ADGRV1: variants seen among roughly 807,000 people sequenced by gnomAD.
The protein encoded by ADGRV1 is adhesion G protein-coupled receptor V1.
ADGRV1 carries 359 observed loss-of-function variants against 596.2 expected under a neutral mutation model. That is an observed-to-expected ratio of 0.60 (90% CI 0.55 to 0.66). The LOEUF (loss-of-function observed/expected upper bound fraction) is 0.66. Among genes scored for constraint, ADGRV1 ranks in the 30% least tolerant of loss-of-function variants. ADGRV1 has a pLI of 0.00. For synonymous variants in ADGRV1, 2,681 were observed against 2,679.2 expected (o/e 1.00, Z -0.02); for missense variants, 7,274 against 7,575.6 (o/e 0.96, Z 1.48).
chr5:91,112,000 A>C (rs1391454775), intron 87 of ADGRV1, among the ~76,000 whole-genome samples: 1 of 152,234 alleles, frequency 6.6e-6, no homozygotes, highest in Non-Finnish European at 1.5e-5. Context: ...CGTGTTCAGT[A>C]GCATCTGGGC....
intron 85 of ADGRV1, among the ~76,000 whole-genome samples, chr5:91,060,213 T>C (rs1490619070): frequency 6.6e-6 from 1 of 151,920 alleles, no homozygotes. Flanking sequence ...GCAGCAGTTT[T>C]GGTTCTTTTG....
intron 21 of ADGRV1, among the ~76,000 whole-genome samples, chr5:90,665,810 T>G (rs62375100): frequency 0.35 from 51,961 of 150,158 alleles, 9,253 homozygotes; most frequent in Admixed American, 0.49. Flanking sequence ...TCTGGTATGT[T>G]GTGTCTTCGT....
Position 90,637,704 on chromosome 5 carries a change from CT to C in ADGRV1, c.2017-20del. The C allele has an allele frequency of 6.7e-7, 1 of 1,500,684 alleles. No homozygotes were observed. The highest frequency in any genetic ancestry group is 2.3e-5 in the East Asian group (1 of 43,854). The allele number at this position is 1,500,684 out of a possible 1,614,324, so 93.0% of individuals were successfully genotyped here. A position where few individuals can be genotyped will look rare whatever the true frequency, so the allele number is the denominator to read the frequency against. ...AACATATATTTTAGAAGAAATTGTT[CT>C]GTTCTTTTCTTTTTATAAGGTATAC... On this transcript the variant is annotated intron_variant, in intron 10 of 89. Transcript: ENST00000405460.
chr5:90,810,125 G>A (rs1288769409), intron 73 of ADGRV1, 108 bp from the exon 74 acceptor site: 3 of 853,820 alleles, frequency 3.5e-6, no homozygotes, highest in Admixed American at 6.1e-5. Context: ...TCATTGTTAA[G>A]TTGCTGCCCT....
chr5:90,746,137 A>G (rs1754601093), intron 52 of ADGRV1, among the ~76,000 whole-genome samples: 1 of 151,264 alleles, frequency 6.6e-6, no homozygotes, highest in South Asian at 2.1e-4. Context: ...ATAGATGCTA[A>G]ATGCAATATA....
chr5:90,666,041 G>A (rs1047939232), intron 21 of ADGRV1, among the ~76,000 whole-genome samples: 13 of 151,764 alleles, frequency 8.6e-5, no homozygotes, highest in Admixed American at 7.9e-4. Flanking sequence ...CAAGTACGTG[G>A]TCAATTTTGG....
intron 22 of ADGRV1, 30 bp from the exon 23 acceptor site, chr5:90,674,024 C>A: frequency 1.3e-6 from 2 of 1,530,346 alleles, no homozygotes; most frequent in Non-Finnish European, 1.8e-6. Context: ...TGCCTCATTG[C>A]TTAGTGCCTC....
chr5:90,638,080 CT>C (rs1347983370), intron 11 of ADGRV1, 132 bp downstream of exon 11: 4 of 603,366 alleles, frequency 6.6e-6, no homozygotes, highest in Non-Finnish European at 8.4e-6. Flanking sequence ...TTATACTGGC[CT>C]TCAGACTTTT....
intron 52 of ADGRV1, among the ~76,000 whole-genome samples, chr5:90,749,933 G>A (rs1312699748): frequency 6.6e-6 from 1 of 152,178 alleles, no homozygotes; most frequent in African/African-American, 2.4e-5. Flanking sequence ...TAAAGGCCAT[G>A]AGCTAAGGAT....
At chr5:91,105,928 C>T (rs1251024338) in intron 87 of ADGRV1, among the ~76,000 whole-genome samples, 1 of 150,574 alleles carries the variant, frequency 6.6e-6, no homozygotes, top group Non-Finnish European at 1.5e-5. Flanking sequence ...TAAATAGATT[C>T]TTATTATATT....
rs772839567 is a variant in ADGRV1 at position 90,614,840 on chromosome 5, C to A, written c.28C>A (p.Pro10Thr). 6.2e-7 allele frequency: 1 copy of A among 1,605,442 alleles called. No homozygotes were observed. Among genetic ancestry groups the A allele is most frequent in the Non-Finnish European group, 8.5e-7 (1 of 1,173,708 alleles). ...TTTTTTTCTTTTTGTTTTAGGGATGCCCTCTGCATCTTTATTAGTAAATCT... is the reference window on the plus strand; with the variant it reads ...TTTTTTTCTTTTTGTTTTAGGGATGACCTCTGCATCTTTATTAGTAAATCT... MSVFLGPGM[P>T]SASLLVNLLS... The change falls in exon 2 of 90, where the codon CCC (proline) becomes ACC (threonine). Residue 10 changes from proline (P) to threonine (T), a missense_variant. Around this residue, in one of 5 missense-constraint regions of ADGRV1, gnomAD observed 1,715 missense variants for 1,708.8 expected, o/e 1.00. Transcript: ENST00000405460.
chr5:90,878,721 A>G (rs1250411756), intron 83 of ADGRV1, among the ~76,000 whole-genome samples: 1 of 152,256 alleles, frequency 6.6e-6, no homozygotes, highest in Non-Finnish European at 1.5e-5. Flanking sequence ...TAAGCAGATT[A>G]TAATCTCAGG....
chr5:91,102,172 C>G, intron 86 of ADGRV1, 47 bp from the exon 87 acceptor site: 2 of 1,556,378 alleles, frequency 1.3e-6, no homozygotes, highest in Non-Finnish European at 1.7e-6. Flanking sequence ...ATACATGTGA[C>G]TGTGCAGTAT....
Position 90,893,372 on chromosome 5 carries a change from G to A in ADGRV1, c.17856+29515G>A, listed in dbSNP as rs113943398. Among the ~76,000 whole-genome samples, 745 of 152,264 alleles carry A rather than the reference G, an allele frequency of 4.9e-3. 7 individuals are homozygous for A. The highest frequency in any genetic ancestry group is 0.041 in the Middle Eastern group (12 of 294). ...TTTATTTGACAGTCTACTCTTAGAA[G>A]TCATGTGCCATCTCTTCTCCCATAT... On this transcript the variant is annotated intron_variant, in intron 83 of 89. Coordinates refer to ENST00000405460, the MANE Select transcript of ADGRV1 (RefSeq NM_032119.4).
chr5:90,910,932 C>G (rs1049571422), intron 83 of ADGRV1, among the ~76,000 whole-genome samples: 7 of 152,074 alleles, frequency 4.6e-5, no homozygotes, highest in African/African-American at 1.7e-4. Context: ...CCTATGTATT[C>G]CTGTTACAGT....
At position 90,674,245 on chromosome 5, in the gene ADGRV1, C is replaced by G; in HGVS notation, c.5110+11C>G. ...GTGATCATCCATATGGTAACCTGCT[C>G]CTTTTGCAAGAAAAATCCTCTCTTC... is the stretch of plus-strand genomic sequence containing the variant. On this transcript the variant is annotated intron_variant, in intron 23 of 89. Coordinates refer to ENST00000405460, the MANE Select transcript of ADGRV1 (RefSeq NM_032119.4). The G allele has an allele frequency of 6.5e-7, 1 of 1,546,344 alleles. No individual in the cohort carries two copies. Among genetic ancestry groups the G allele is most frequent in the Non-Finnish European group, 8.7e-7 (1 of 1,148,528 alleles).
chr5:90,947,730 T>C (rs77109348), intron 83 of ADGRV1, among the ~76,000 whole-genome samples: 3,243 of 152,236 alleles, frequency 0.021, 90 homozygotes, highest in South Asian at 0.13. Context: ...AAAAGTCTTA[T>C]CAAACAAAGG....
At position 90,815,604 on chromosome 5, in the gene ADGRV1, C is replaced by T. The variant is rs1364526834; in HGVS notation, c.16079-15C>T. 7.4e-7 allele frequency: 1 copy of T among 1,347,566 alleles called. No individual in the cohort carries two copies. The highest frequency in any genetic ancestry group is 1.0e-6 in the Non-Finnish European group (1 of 959,274). 83.5% of individuals were successfully genotyped at this position (1,347,566 alleles called of 1,614,324 possible). A position where few individuals can be genotyped will look rare whatever the true frequency, so the allele number is the denominator to read the frequency against. On this transcript the variant is annotated splice_polypyrimidine_tract_variant and intron_variant, in intron 74 of 89. Coordinates refer to ENST00000405460, the MANE Select transcript of ADGRV1 (RefSeq NM_032119.4). ...AATTCTTGAATATATTATAGCCCTC[C>T]ATTCTTTTTTTCAGGGAGTGACCTT... is the stretch of plus-strand genomic sequence containing the variant.
chr5:91,021,624 T>C (rs1280766731), intron 85 of ADGRV1, among the ~76,000 whole-genome samples: 1 of 152,106 alleles, frequency 6.6e-6, no homozygotes, highest in Non-Finnish European at 1.5e-5. Context: ...TCAGCTTTCA[T>C]GTGAATCTTT....
Sources: gnomAD v4.1 joint callset for allele counts (sites outside exome capture counted in the v4.1 genomes callset) on GRCh38, gnomAD v4.1.1 for gene constraint, gnomAD v4.1.1 regional missense constraint, MANE v1.5 for transcripts, NCBI Gene and HGNC (gene_info 2026-07-23, HGNC 2026-07-21) for gene names.